The following MYOF variants were observed in gnomAD, a reference collection of about 807,000 sequenced individuals.
MYOF encodes myoferlin, also known as fer-1-like 3, myoferlin.
MYOF carries 244 observed loss-of-function variants against 284.2 expected under a neutral mutation model. The ratio of observed to expected loss-of-function variants is 0.86; its 90% CI spans 0.77 to 0.95. MYOF has a LOEUF of 0.95. MYOF is among the 40% of genes least tolerant of loss of function. The pLI, the probability that MYOF is intolerant of heterozygous loss-of-function variation, is 0.00. For synonymous variants in MYOF, 904 were observed against 919.7 expected, an observed-to-expected ratio of 0.98 and a Z score of 0.31; for missense variants, 2,496 against 2,560.6, an observed-to-expected ratio of 0.97 and a Z score of 0.54.
intron 19 of MYOF, among the ~76,000 whole-genome samples, chr10:93,384,328 C>T (rs934677261): frequency 2.0e-5 from 3 of 152,146 alleles, no homozygotes; most frequent in Non-Finnish European, 4.4e-5. Flanking sequence ...GATCTGCCTA[C>T]AACAAGAGAA....
chr10:93,423,597 G>A (rs746868071), intron 5 of MYOF, among the ~76,000 whole-genome samples: 12 of 149,272 alleles, frequency 8.0e-5, no homozygotes, highest in Non-Finnish European at 1.6e-4. Context: ...ACTTTGGGAG[G>A]CCAAGGTGGG....
chr10:93,336,563 T>C (rs1050318917), intron 40 of MYOF, among the ~76,000 whole-genome samples: 2 of 152,130 alleles, frequency 1.3e-5, no homozygotes, highest in South Asian at 2.1e-4. Flanking sequence ...CAGTTGCTCC[T>C]AGGAGGGATG....
In MYOF at chr10:93,405,731, G is replaced by A. The variant is rs1057334356; in HGVS notation, c.730-1512C>T. 4.7e-5 allele frequency among the ~76,000 whole-genome samples: 7 copies of A among 150,088 alleles called. No homozygotes were observed. The East Asian group carries it at 1.4e-3, about 30-fold the overall frequency. ...CACATGAGGACACCACATCATTTTT[G>A]TTCCTATTATTGGTGATAACAAGTT... is the stretch of plus-strand genomic sequence containing the variant. On this transcript the variant is annotated intron_variant, in intron 7 of 53. Transcript: ENST00000359263.
intron 26 of MYOF, among the ~76,000 whole-genome samples, chr10:93,365,336 C>A (rs2133942685): frequency 6.6e-6 from 1 of 152,340 alleles, no homozygotes; most frequent in South Asian, 2.1e-4. Context: ...TCTAATGTTA[C>A]TGGCAACATT....
At chr10:93,370,958 A>T (rs534175683) in intron 24 of MYOF, among the ~76,000 whole-genome samples, 1 of 152,218 alleles carries the variant, frequency 6.6e-6, no homozygotes, top group East Asian at 1.9e-4. Flanking sequence ...GCTTTCACGT[A>T]AAATAATAGA....
intron 13 of MYOF, among the ~76,000 whole-genome samples, chr10:93,397,985 C>T (rs993764737): frequency 2.6e-5 from 4 of 152,174 alleles, no homozygotes; most frequent in Non-Finnish European, 2.9e-5. Context: ...AGGACACCTG[C>T]GGTTGTCTAT....
At chr10:93,411,749 G>A (rs1347906880) in intron 5 of MYOF, among the ~76,000 whole-genome samples, 3 of 152,114 alleles carry the variant, frequency 2.0e-5, no homozygotes, top group Admixed American at 6.6e-5. Context: ...TTCATGCTTC[G>A]CCCATCCTAG....
chr10:93,342,251 G>C (rs1369203274), intron 38 of MYOF, among the ~76,000 whole-genome samples: 1 of 152,136 alleles, frequency 6.6e-6, no homozygotes, highest in African/African-American at 2.4e-5. Context: ...TGAGGAAGTG[G>C]TAATACATGC....
chr10:93,399,921 C>A (rs140150711), intron 12 of MYOF, among the ~76,000 whole-genome samples: 2 of 152,310 alleles, frequency 1.3e-5, no homozygotes, highest in African/African-American at 4.8e-5. Flanking sequence ...CCTGTAATCC[C>A]GGCCACTTGG....
At chr10:93,319,285 C>G (rs1271310379) in intron 49 of MYOF, among the ~76,000 whole-genome samples, 2 of 152,232 alleles carry the variant, frequency 1.3e-5, no homozygotes, top group Non-Finnish European at 2.9e-5. Flanking sequence ...GTCATTATCA[C>G]TTCACTGTGG....
intron 2 of MYOF, 100 bp downstream of exon 2, chr10:93,456,782 G>A: frequency 1.2e-6 from 1 of 860,734 alleles, no homozygotes; most frequent in Non-Finnish European, 1.9e-6. Flanking sequence ...GAAATGTAGA[G>A]ATTCTCCTTC....
chr10:93,402,356 GAGA>G lies in MYOF; in HGVS notation c.875-12_875-10del, dbSNP rs745329968. The G allele has an allele frequency of 8.1e-6, 13 of 1,602,520 alleles. No homozygotes were observed. The highest frequency in any genetic ancestry group is 1.7e-4 in the Middle Eastern group (1 of 5,888). On this transcript the variant is annotated splice_polypyrimidine_tract_variant and intron_variant, in intron 10 of 53. Coordinates refer to ENST00000359263, the MANE Select transcript of MYOF (RefSeq NM_013451.4). ...TCTCATGACAGCATGGCCTAAAATA[GAGA>G]AGGAGTAAAAGGAAATGGACATGCT...
intron 32 of MYOF, among the ~76,000 whole-genome samples, chr10:93,353,402 T>C (rs1200998778): frequency 6.6e-6 from 1 of 152,162 alleles, no homozygotes; most frequent in Non-Finnish European, 1.5e-5. Flanking sequence ...CCTGGTGCTG[T>C]AGGCAAATGG....
chr10:93,387,012 A>G (rs1278632988), intron 19 of MYOF, among the ~76,000 whole-genome samples: 4 of 152,226 alleles, frequency 2.6e-5, no homozygotes, highest in Admixed American at 2.0e-4. Flanking sequence ...TCAGGGACCC[A>G]GAACACCAGC....
chr10:93,353,745 C>G (rs114664598), intron 32 of MYOF, 66 bp downstream of exon 32: 6 of 1,347,156 alleles, frequency 4.5e-6, no homozygotes, highest in African/African-American at 3.0e-5. Context: ...AGCATTCACT[C>G]GAAACACAGA....
chr10:93,430,969 CT>C (rs1848821554), intron 4 of MYOF, among the ~76,000 whole-genome samples: 1 of 150,352 alleles, frequency 6.7e-6, no homozygotes, highest in Admixed American at 6.6e-5. Flanking sequence ...TTTTCCTTTT[CT>C]TTTCTTTTTT....
Position 93,347,711 on chromosome 10 carries a change from C to T in MYOF, c.4155G>A (p.Arg1385=), listed in dbSNP as rs763889028. 2 of 1,614,124 alleles carry T rather than the reference C, an allele frequency of 1.2e-6. No individual in the cohort carries two copies. The highest frequency in any genetic ancestry group is 1.7e-4 in the Middle Eastern group (1 of 6,046). Residue 1385 remains arginine (R), a synonymous_variant, in exon 37 of 54, where the codon CGG becomes CGA. Coordinates refer to ENST00000359263, the MANE Select transcript of MYOF (RefSeq NM_013451.4). ...IKVIDHRQFG[R]KPVVGQCTIE... is the part of the protein sequence containing the mutation. ...TGGTGCACTGGCCGACGACAGGCTT[C>T]CGCCCAAACTGCCTGTGGTCGATGA... is the stretch of plus-strand genomic sequence containing the variant.
chr10:93,407,824 A>G (rs1198366537), intron 7 of MYOF, among the ~76,000 whole-genome samples: 1 of 151,902 alleles, frequency 6.6e-6, no homozygotes, highest in Non-Finnish European at 1.5e-5. Context: ...CCTTTAACAT[A>G]TATTATTTTT....
chr10:93,364,903 T>G (rs1845257501), intron 26 of MYOF, among the ~76,000 whole-genome samples: 1 of 152,186 alleles, frequency 6.6e-6, no homozygotes, highest in Non-Finnish European at 1.5e-5. Flanking sequence ...GCATCACGTC[T>G]CTGGGCCTCA....
Sources: gnomAD v4.1 joint callset for allele counts (sites outside exome capture counted in the v4.1 genomes callset) on GRCh38, gnomAD v4.1.1 for gene constraint, MANE v1.5 for transcripts, NCBI Gene and HGNC (gene_info 2026-07-23, HGNC 2026-07-21) for gene names.